The following GPHN variants were observed in gnomAD, a reference collection of about 807,000 sequenced individuals.
GPHN encodes the protein gephyrin.
GPHN carries 17 observed loss-of-function variants against 95.5 expected under a neutral mutation model. The observed-to-expected ratio is 0.18, with a 90% CI of 0.12 to 0.27. The LOEUF (loss-of-function observed/expected upper bound fraction) is 0.27. Among genes scored for constraint, GPHN ranks in the 10% least tolerant of loss-of-function variants. GPHN has a pLI of 1.00. For missense variants in GPHN, 660 were observed against 978.1 expected (o/e 0.67, Z 4.34); for synonymous variants, 320 against 322.5 (o/e 0.99, Z 0.08).
the GPHN span, chr14:67,692,671 A>AT: frequency 3.4e-6 from 5 of 1,487,584 alleles, no homozygotes; most frequent in South Asian, 1.4e-5. Flanking sequence ...TATTTCCAAC[A>AT]TTTTTTTAAA....
At chr14:66,695,164 A>G (rs1048200990) in intron 2 of GPHN, among the ~76,000 whole-genome samples, 7 of 152,148 alleles carry the variant, frequency 4.6e-5, no homozygotes, top group African/African-American at 1.7e-4. Context: ...CTGTCTTAAA[A>G]AAATAAATAA....
chr14:66,777,673 G>A (rs935595083), intron 3 of GPHN, among the ~76,000 whole-genome samples: 26 of 152,222 alleles, frequency 1.7e-4, no homozygotes, highest in African/African-American at 5.1e-4. Context: ...TTCAATTTAC[G>A]CAAATCAATA....
the GPHN span, among the ~76,000 whole-genome samples, chr14:67,272,767 T>G: frequency 6.6e-6 from 1 of 152,196 alleles, no homozygotes; most frequent in Non-Finnish European, 1.5e-5. Flanking sequence ...CAAGTGATTC[T>G]CATGCCTCAG....
the GPHN span, among the ~76,000 whole-genome samples, chr14:67,702,141 A>T: frequency 6.6e-5 from 10 of 151,742 alleles, no homozygotes; most frequent in African/African-American, 2.4e-4. Context: ...ATATATATAT[A>T]TTTTTTAAAT....
chr14:67,009,343 C>T lies in GPHN; in HGVS notation c.964-14290C>T, dbSNP rs370554900. Among the ~76,000 whole-genome samples, 17 of 152,164 alleles carry T rather than the reference C, an allele frequency of 1.1e-4. No homozygotes were observed. In the South Asian group the frequency reaches 3.5e-3, roughly 32 times the overall value. The stretch of plus-strand genomic sequence containing the variant: ...GCCTAAATTCTAGGCAAGTAGCTCA[C>T]AGGAATATAGGAGAGGTAATCTGGA... On this transcript the variant is annotated intron_variant, in intron 9 of 22. Coordinates refer to ENST00000478722, the MANE Select transcript of GPHN (RefSeq NM_020806.5).
the GPHN span, chr14:67,677,008 T>G: frequency 1.3e-5 from 2 of 152,180 alleles, no homozygotes; most frequent in Non-Finnish European, 2.9e-5. Context: ...TCAAAACAAG[T>G]GCAATAAAAG....
At chr14:66,651,469 CAA>C (rs985585826) in intron 1 of GPHN, among the ~76,000 whole-genome samples, 7 of 152,246 alleles carry the variant, frequency 4.6e-5, no homozygotes, top group African/African-American at 1.4e-4. Context: ...TCTCGGCTTT[CAA>C]AAGAGTTGAG....
intron 1 of GPHN, among the ~76,000 whole-genome samples, chr14:66,655,280 C>G (rs2065244367): frequency 6.6e-6 from 1 of 152,132 alleles, no homozygotes. Context: ...TCTTTGATAC[C>G]TTTCACCAAC....
the GPHN span, chr14:67,303,519 C>T: frequency 1.9e-6 from 3 of 1,607,878 alleles, no homozygotes; most frequent in Non-Finnish European, 2.6e-6. Context: ...CTTTCTATTA[C>T]AGTCTGATAT....
At chr14:67,000,507 T>G (rs991773153) in intron 9 of GPHN, among the ~76,000 whole-genome samples, 1 of 151,672 alleles carries the variant, frequency 6.6e-6, no homozygotes, top group East Asian at 1.9e-4. Flanking sequence ...TAATAATGAT[T>G]TATTACTTAT....
chr14:66,644,451 T>C (rs2064617236), intron 1 of GPHN, among the ~76,000 whole-genome samples: 1 of 152,068 alleles, frequency 6.6e-6, no homozygotes, highest in African/African-American at 2.4e-5. Flanking sequence ...ACCAAAGATG[T>C]TTCACTTTTC....
the GPHN span, among the ~76,000 whole-genome samples, chr14:67,661,027 ATGTGCTTCCTTCTCAGAACTTCAT>A: frequency 6.6e-6 from 1 of 152,140 alleles, no homozygotes; most frequent in Non-Finnish European, 1.5e-5. Flanking sequence ...AAGGATGCAG[ATGTGCTTCCTTCTCAGAACTTCAT>A]TGGGATAAGT....
At chr14:67,044,775 GTC>G (rs546038158) in intron 10 of GPHN, among the ~76,000 whole-genome samples, 5 of 150,838 alleles carry the variant, frequency 3.3e-5, no homozygotes, top group East Asian at 1.9e-4. Flanking sequence ...CCCTCTCTCT[GTC>G]TCTCTCTCTG....
At chr14:67,725,968 G>A in the GPHN span, 1 of 928,556 alleles carries the variant, frequency 1.1e-6, no homozygotes, top group Middle Eastern at 2.1e-4. Context: ...ATGAACAAAG[G>A]GAAAGGGCAA....
chr14:67,202,994 C>G, the GPHN span: 8 of 1,243,806 alleles, frequency 6.4e-6, no homozygotes, highest in Non-Finnish European at 7.8e-6. Flanking sequence ...TGGTTCATTC[C>G]TCCTTTATTT....
At chr14:67,381,582 T>C in the GPHN span, 1 of 1,601,900 alleles carries the variant, frequency 6.2e-7, no homozygotes, top group Non-Finnish European at 8.5e-7. Flanking sequence ...TTTGAATTTT[T>C]GTAATTGTAG....
chr14:66,546,064 G>A (rs1057316079), intron 1 of GPHN, among the ~76,000 whole-genome samples: 8 of 151,308 alleles, frequency 5.3e-5, no homozygotes, highest in Admixed American at 1.3e-4. Context: ...GGTTGCGGCC[G>A]GGTAGAGGTG....
At chr14:66,897,045 A>C (rs2064889486) in intron 5 of GPHN, among the ~76,000 whole-genome samples, 1 of 152,168 alleles carries the variant, frequency 6.6e-6, no homozygotes, top group African/African-American at 2.4e-5. Context: ...TTTCAAAAAA[A>C]TTTTATTAAA....
At chr14:66,605,174 G>T (rs923829952) in intron 1 of GPHN, among the ~76,000 whole-genome samples, 1 of 152,012 alleles carries the variant, frequency 6.6e-6, no homozygotes, top group African/African-American at 2.4e-5. Flanking sequence ...CGGTGCATAT[G>T]TCTTTTTTTA....
Sources: gnomAD v4.1 joint callset for allele counts (sites outside exome capture counted in the v4.1 genomes callset) on GRCh38, gnomAD v4.1.1 for gene constraint, MANE v1.5 for transcripts, NCBI Gene and HGNC (gene_info 2026-07-23, HGNC 2026-07-21) for gene names.